The following JARID2 variants were observed in gnomAD, a reference collection of about 807,000 sequenced individuals.
JARID2 encodes the protein protein Jumonji.
A neutral mutation model predicts 125.6 loss-of-function variants in JARID2; 21 were observed. The ratio of observed to expected loss-of-function variants is 0.17; its 90% confidence interval spans 0.12 to 0.24. The LOEUF (loss-of-function observed/expected upper bound fraction) is 0.24, where lower values mean the gene tolerates loss of function less well. Ranked by LOEUF, JARID2 falls within the 10% of genes least tolerant of loss-of-function variation. The pLI is 1.00. For synonymous variants in JARID2, 736 were observed against 661.6 expected, an observed-to-expected ratio of 1.11 and a Z score of -1.73; for missense variants, 1,303 against 1,639.6, an observed-to-expected ratio of 0.79 and a Z score of 3.55.
intron 16 of JARID2, 79 bp downstream of exon 16, chr6:15,513,501 A>C (rs145929548): frequency 2.9e-6 from 4 of 1,370,070 alleles, no homozygotes; most frequent in Non-Finnish European, 4.0e-6. Flanking sequence ...CAGAAGAGGG[A>C]GGGCGCTCTC....
intron 1 of JARID2, among the ~76,000 whole-genome samples, chr6:15,252,955 TAGA>T (rs765920882): frequency 2.1e-4 from 32 of 152,350 alleles, no homozygotes; most frequent in East Asian, 3.9e-4. Context: ...TACATTTTTG[TAGA>T]AGAAGAGTGA....
chr6:15,271,950 AGAT>A (rs1467328121), intron 1 of JARID2, among the ~76,000 whole-genome samples: 1 of 152,158 alleles, frequency 6.6e-6, no homozygotes, highest in Non-Finnish European at 1.5e-5. Context: ...CAGTGAGCTG[AGAT>A]CATGCCACTG....
At chr6:15,439,850 C>G (rs951632629) in intron 3 of JARID2, among the ~76,000 whole-genome samples, 3 of 152,184 alleles carry the variant, frequency 2.0e-5, no homozygotes, top group African/African-American at 7.2e-5. Flanking sequence ...GGAGTTTCTG[C>G]TACTGGCTTG....
Position 15,279,214 on chromosome 6 carries a change from C to T in JARID2, c.45+32630C>T, listed in dbSNP as rs78698711. Among the ~76,000 whole-genome samples, 401 of 152,034 alleles carry T rather than the reference C, an allele frequency of 2.6e-3. 4 individuals carry two copies. Among genetic ancestry groups the T allele is most frequent in the Admixed American group, 0.021 (324 of 15,270 alleles). On this transcript the variant is annotated intron_variant, in intron 1 of 17. Coordinates refer to ENST00000341776, the MANE Select transcript of JARID2 (RefSeq NM_004973.4). The stretch of plus-strand genomic sequence containing the variant: ...CACTAAATACAGTGTGGTTGTGACC[C>T]TTAGTTTTGTGTATTCTGACTCACA...
chr6:15,256,710 C>T (rs1041054341), intron 1 of JARID2, among the ~76,000 whole-genome samples: 13 of 152,308 alleles, frequency 8.5e-5, no homozygotes, highest in Admixed American at 4.6e-4. Flanking sequence ...CTGTTCACCC[C>T]GTCTGGCAGA....
At chr6:15,387,046 A>G (rs1764813702) in intron 2 of JARID2, among the ~76,000 whole-genome samples, 1 of 152,192 alleles carries the variant, frequency 6.6e-6, no homozygotes, top group Non-Finnish European at 1.5e-5. Context: ...CGGAATACTC[A>G]GCCTGGGTGT....
intron 4 of JARID2, among the ~76,000 whole-genome samples, chr6:15,461,196 A>C (rs1368321968): frequency 6.6e-6 from 1 of 152,170 alleles, no homozygotes; most frequent in Non-Finnish European, 1.5e-5. Flanking sequence ...TGCAGACAAC[A>C]ATATAGGAAG....
chr6:15,346,618 C>T (rs1763252578), intron 1 of JARID2, among the ~76,000 whole-genome samples: 2 of 152,092 alleles, frequency 1.3e-5, no homozygotes, highest in African/African-American at 2.4e-5. Context: ...GATGTGGAGC[C>T]ATCGTTTTGT....
chr6:15,362,596 AG>A (rs1042218442), intron 1 of JARID2, among the ~76,000 whole-genome samples: 21 of 152,122 alleles, frequency 1.4e-4, no homozygotes, highest in African/African-American at 4.8e-4. Flanking sequence ...AAAGCCTGTA[AG>A]GGAAGTTAGG....
intron 16 of JARID2, among the ~76,000 whole-genome samples, chr6:15,514,497 A>G (rs1217269143): frequency 1.3e-5 from 2 of 152,130 alleles, no homozygotes; most frequent in East Asian, 3.9e-4. Flanking sequence ...CTGCTTGTCC[A>G]TGGTGGGCCA....
At chr6:15,477,408 TA>T (rs1769396333) in intron 5 of JARID2, among the ~76,000 whole-genome samples, 1 of 151,910 alleles carries the variant, frequency 6.6e-6, no homozygotes, top group South Asian at 2.1e-4. Context: ...GAACATGTGA[TA>T]TTCTCTTTAC....
chr6:15,361,261 T>TTTTTCC (rs1581455690), intron 1 of JARID2, among the ~76,000 whole-genome samples: 1 of 152,178 alleles, frequency 6.6e-6, no homozygotes, highest in East Asian at 1.9e-4. Context: ...TCATCTCTTG[T>TTTTTCC]ACAGGTAACT....
chr6:15,473,510 G>C (rs1420246904), intron 5 of JARID2, among the ~76,000 whole-genome samples: 2 of 36,620 alleles, frequency 5.5e-5, no homozygotes, highest in African/African-American at 3.0e-4. Context: ...CTTCTGATGT[G>C]CGTGCCCCCC....
intron 1 of JARID2, among the ~76,000 whole-genome samples, chr6:15,351,720 T>C (rs1763435280): frequency 6.6e-6 from 1 of 152,208 alleles, no homozygotes; most frequent in African/African-American, 2.4e-5. Context: ...TATCCTGGGC[T>C]TCTGATGAGT....
intron 1 of JARID2, among the ~76,000 whole-genome samples, chr6:15,288,483 G>A (rs1324917191): frequency 6.6e-6 from 1 of 152,216 alleles, no homozygotes; most frequent in Non-Finnish European, 1.5e-5. Context: ...TGAAATTTGA[G>A]TGGGGACAAA....
chr6:15,324,239 C>T (rs1170155528), intron 1 of JARID2: 2 of 151,720 alleles, frequency 1.3e-5, no homozygotes, highest in African/African-American at 2.4e-5. Flanking sequence ...GTATGAAGCC[C>T]AAGGTATTAT....
chr6:15,423,582 G>T (rs1006381918), intron 3 of JARID2, among the ~76,000 whole-genome samples: 1 of 152,144 alleles, frequency 6.6e-6, no homozygotes, highest in African/African-American at 2.4e-5. Flanking sequence ...GATTTGTGTG[G>T]CTTACGTGGC....
intron 2 of JARID2, among the ~76,000 whole-genome samples, chr6:15,393,674 G>T (rs1408484861): frequency 6.6e-6 from 1 of 152,182 alleles, no homozygotes; most frequent in Non-Finnish European, 1.5e-5. Flanking sequence ...GATGTATGAA[G>T]CTTTTAAGGA....
intron 1 of JARID2, among the ~76,000 whole-genome samples, chr6:15,298,199 T>A (rs1458813172): frequency 6.6e-6 from 1 of 152,266 alleles, no homozygotes; most frequent in Non-Finnish European, 1.5e-5. Flanking sequence ...TTTATTTGAT[T>A]AATTTGCTTT....
Sources: allele counts gnomAD v4.1 joint callset (sites outside exome capture counted in the v4.1 genomes callset), GRCh38; gene constraint gnomAD v4.1.1; transcripts MANE v1.5; gene names NCBI Gene and HGNC (gene_info 2026-07-23, HGNC 2026-07-21).